EXOC4: variants seen among roughly 807,000 people sequenced by gnomAD.
EXOC4 encodes SEC8-like 1.
Under a neutral mutation model 107.2 loss-of-function variants are expected in EXOC4, and 71 were observed. The observed-to-expected ratio is 0.66, with a 90% CI of 0.55 to 0.81. The LOEUF (loss-of-function observed/expected upper bound fraction) is 0.81, where lower values mean the gene tolerates loss of function less well. EXOC4 is among the 30% of genes least tolerant of loss of function. The pLI, the probability that EXOC4 is intolerant of heterozygous loss-of-function variation, is 0.00. For missense variants in EXOC4, 1,108 were observed against 1,189.6 expected, an observed-to-expected ratio of 0.93 and a Z score of 1.01; for synonymous variants, 456 against 441.2, an observed-to-expected ratio of 1.03 and a Z score of -0.42.
intron 7 of EXOC4, among the ~76,000 whole-genome samples, chr7:133,391,125 G>A (rs1020360639): frequency 2.6e-5 from 4 of 152,142 alleles, no homozygotes; most frequent in African/African-American, 7.2e-5. Context: ...TAAGTGAGTG[G>A]CACAAACATT....
At position 133,993,334 on chromosome 7, in the gene EXOC4, G is replaced by A. The variant is rs144476254; in HGVS notation, c.2207-4158G>A. On this transcript the variant is annotated intron_variant, in intron 14 of 17. Coordinates refer to ENST00000253861, the MANE Select transcript of EXOC4 (RefSeq NM_021807.4). ...ACATGAGTTTTAGGACAATTATAGT[G>A]AAAGAAAAGTATTCAAGGGAGTTGA... Among the ~76,000 whole-genome samples the A allele has an allele frequency of 5.3e-4, 80 of 152,256 alleles. 2 individuals are homozygous for A. The East Asian group carries it at 0.014, about 26-fold the overall frequency.
chr7:133,266,678 C>T (rs1198257776), intron 1 of EXOC4, among the ~76,000 whole-genome samples: 1 of 152,144 alleles, frequency 6.6e-6, no homozygotes, highest in Non-Finnish European at 1.5e-5. Context: ...GTATTCAGAT[C>T]TTTCAAAATC....
intron 9 of EXOC4, among the ~76,000 whole-genome samples, chr7:133,520,942 T>C (rs1265682551): frequency 1.3e-5 from 2 of 152,214 alleles, no homozygotes; most frequent in Non-Finnish European, 2.9e-5. Context: ...GAAATAAGCT[T>C]TCATTGCAGG....
intron 7 of EXOC4, among the ~76,000 whole-genome samples, chr7:133,413,343 G>T (rs1797404482): frequency 6.6e-6 from 1 of 152,038 alleles, no homozygotes; most frequent in Non-Finnish European, 1.5e-5. Flanking sequence ...TTACCAGGGG[G>T]CATTCTTAAT....
intron 10 of EXOC4, among the ~76,000 whole-genome samples, chr7:133,781,351 C>T (rs929914442): frequency 6.6e-6 from 1 of 152,204 alleles, no homozygotes; most frequent in Admixed American, 6.5e-5. Context: ...AATTGGCTTT[C>T]TGTAGGCTAT....
chr7:133,953,369 G>A (rs1458080597), intron 14 of EXOC4, among the ~76,000 whole-genome samples: 1 of 152,086 alleles, frequency 6.6e-6, no homozygotes, highest in East Asian at 1.9e-4. Flanking sequence ...AGGCTGAGGT[G>A]GGAAGATCTC....
rs189598978 is a variant in EXOC4, at chr7:133,294,698, T to G, written c.471+5582T>G. 2.3e-3 allele frequency among the ~76,000 whole-genome samples: 350 copies of G among 152,276 alleles called. 4 individuals are homozygous for G. Among genetic ancestry groups the G allele is most frequent in the South Asian group, 0.016 (76 of 4,824 alleles). Reference sequence around the variant, plus strand: ...TAATGAAATTATTTCACTTACACTGTGTAAATGTGGCCATATCTGGGATAA... The same window carrying G: ...TAATGAAATTATTTCACTTACACTGGGTAAATGTGGCCATATCTGGGATAA... On this transcript the variant is annotated intron_variant, in intron 3 of 17. Transcript: ENST00000253861.
At chr7:134,073,205 C>CAAAAAAAAAAAAA in the EXOC4 span, among the ~76,000 whole-genome samples, 19 of 22,596 alleles carry the variant, frequency 8.4e-4, 2 homozygotes, top group African/African-American at 2.3e-3. Flanking sequence ...GACTTCCTCT[C>CAAAAAAAAAAAAA]AAAAAAAAAA....
intron 10 of EXOC4, among the ~76,000 whole-genome samples, chr7:133,684,490 T>C (rs899224647): frequency 6.6e-6 from 1 of 152,130 alleles, no homozygotes; most frequent in African/African-American, 2.4e-5. Context: ...ATCTGATAGA[T>C]TTGTGGGTTC....
At chr7:133,310,059 G>C (rs1794835975) in intron 4 of EXOC4, among the ~76,000 whole-genome samples, 1 of 152,172 alleles carries the variant, frequency 6.6e-6, no homozygotes, top group African/African-American at 2.4e-5. Context: ...GTAGGAGAAA[G>C]GAATGCTGAA....
chr7:133,714,310 C>T (rs1029834660), intron 10 of EXOC4, among the ~76,000 whole-genome samples: 15 of 152,156 alleles, frequency 9.9e-5, no homozygotes, highest in African/African-American at 2.2e-4. Flanking sequence ...AGCCTACTGA[C>T]GGAGAGGTCA....
intron 11 of EXOC4, among the ~76,000 whole-genome samples, chr7:133,837,612 GT>G (rs1462285380): frequency 1.7e-4 from 26 of 152,156 alleles, no homozygotes; most frequent in Admixed American, 1.7e-3. Context: ...CAATCTCTGA[GT>G]AACTGAAAGT....
At chr7:133,444,410 C>T (rs914195827) in intron 7 of EXOC4, among the ~76,000 whole-genome samples, 1 of 152,098 alleles carries the variant, frequency 6.6e-6, no homozygotes, top group Admixed American at 6.6e-5. Flanking sequence ...TAACAGGTAA[C>T]GTTTTATGTG....
At chr7:133,884,610 TGTGTGTGTGTGCGCGC>T (rs1477622816) in intron 11 of EXOC4, among the ~76,000 whole-genome samples, 1 of 150,804 alleles carries the variant, frequency 6.6e-6, no homozygotes, top group African/African-American at 2.5e-5. Context: ...TGTGTGTGTG[TGTGTGTGTGTGCGCGC>T]GTGTGTGATG....
At chr7:133,628,234 G>A (rs560486869) in intron 9 of EXOC4, among the ~76,000 whole-genome samples, 1 of 152,252 alleles carries the variant, frequency 6.6e-6, no homozygotes, top group East Asian at 1.9e-4. Context: ...ATTGATTTAT[G>A]CTAGATTGAA....
chr7:133,915,283 G>C (rs1350290862), intron 12 of EXOC4, among the ~76,000 whole-genome samples: 1 of 151,952 alleles, frequency 6.6e-6, no homozygotes, highest in Non-Finnish European at 1.5e-5. Context: ...AAATAACAGA[G>C]GATTAGGGAA....
chr7:133,500,673 G>C (rs1799559582), intron 9 of EXOC4, among the ~76,000 whole-genome samples: 1 of 152,134 alleles, frequency 6.6e-6, no homozygotes, highest in Non-Finnish European at 1.5e-5. Context: ...AGGTTATATG[G>C]TTAGTGTATG....
intron 9 of EXOC4, among the ~76,000 whole-genome samples, chr7:133,622,091 C>T (rs1802347178): frequency 6.6e-6 from 1 of 152,146 alleles, no homozygotes; most frequent in Non-Finnish European, 1.5e-5. Context: ...CTTCCTGCCT[C>T]AGCCTCCCAA....
intron 11 of EXOC4, among the ~76,000 whole-genome samples, chr7:133,868,037 A>AT (rs1234119786): frequency 6.6e-6 from 1 of 152,198 alleles, no homozygotes; most frequent in Non-Finnish European, 1.5e-5. Flanking sequence ...CTGTAAATAA[A>AT]TTATAATACT....
Sources: gnomAD v4.1 joint callset for allele counts (sites outside exome capture counted in the v4.1 genomes callset) on GRCh38, gnomAD v4.1.1 for gene constraint, MANE v1.5 for transcripts, NCBI Gene and HGNC (gene_info 2026-07-23, HGNC 2026-07-21) for gene names.